Variants in EYS observed in about 807,000 individuals in gnomAD.
The protein encoded by EYS is protein eyes shut homolog.
EYS carries 250 observed loss-of-function variants against 282.1 expected under a neutral mutation model. The observed-to-expected ratio is 0.89, with a 90% confidence interval of 0.80 to 0.98. The LOEUF (loss-of-function observed/expected upper bound fraction) is 0.98, where lower values mean the gene tolerates loss of function less well. Among genes scored for constraint, EYS ranks in the 50% least tolerant of loss-of-function variants. The pLI is 0.00. For synonymous variants in EYS, 1,355 were observed against 1,282.9 expected (o/e 1.06, Z -1.20); for missense variants, 4,016 against 3,709.0 (o/e 1.08, Z -2.15).
intron 12 of EYS, among the ~76,000 whole-genome samples, chr6:65,122,969 CAATT>C (rs1161963398): frequency 6.6e-6 from 1 of 151,914 alleles, no homozygotes; most frequent in East Asian, 1.9e-4. Context: ...TATGAAGACA[CAATT>C]AGTCGTGATT....
Position 64,456,312 on chromosome 6 carries a change from T to C in EYS, c.5645-16960A>G, listed in dbSNP as rs139275105. Reference sequence around the variant, plus strand: ...CTTCAAGAAGACTTAGTTTTAATATTAATTTGGTACCTTAATTTGTGAAGT... The same window carrying C: ...CTTCAAGAAGACTTAGTTTTAATATCAATTTGGTACCTTAATTTGTGAAGT... On this transcript the variant is annotated intron_variant, in intron 26 of 42. Coordinates refer to ENST00000503581, the MANE Select transcript of EYS (RefSeq NM_001142800.2). Among the ~76,000 whole-genome samples, 1,317 of 152,222 alleles carry C rather than the reference T, an allele frequency of 8.7e-3. 27 individuals carry two copies. Among genetic ancestry groups the C allele is most frequent in the African/African-American group, 0.029 (1,207 of 41,568 alleles).
chr6:64,122,115 C>T (rs926813697), intron 31 of EYS, among the ~76,000 whole-genome samples: 51 of 152,006 alleles, frequency 3.4e-4, no homozygotes, highest in Non-Finnish European at 1.8e-4. Context: ...CAAACATGCA[C>T]AGTTTAACCT....
chr6:65,123,624 G>A (rs900840530), intron 12 of EYS, among the ~76,000 whole-genome samples: 1 of 152,100 alleles, frequency 6.6e-6, no homozygotes, highest in African/African-American at 2.4e-5. Context: ...ACAAACCAGA[G>A]TGGCTAATAT....
At chr6:64,781,210 T>C (rs1773848698) in intron 22 of EYS, among the ~76,000 whole-genome samples, 1 of 151,232 alleles carries the variant, frequency 6.6e-6, no homozygotes, top group Non-Finnish European at 1.5e-5. Flanking sequence ...GAACATTTTT[T>C]TTAGAATAGG....
chr6:65,179,187 C>T (rs1765307097), intron 12 of EYS, among the ~76,000 whole-genome samples: 1 of 151,768 alleles, frequency 6.6e-6, no homozygotes. Flanking sequence ...CAAAAGCTAG[C>T]AGAAGGCAAG....
At chr6:64,899,001 A>G (rs1220683844) in intron 18 of EYS, among the ~76,000 whole-genome samples, 1 of 152,066 alleles carries the variant, frequency 6.6e-6, no homozygotes, top group Non-Finnish European at 1.5e-5. Context: ...CCAACACAAT[A>G]ATAGTGAGAG....
At chr6:64,744,027 C>T (rs1772467935) in intron 22 of EYS, among the ~76,000 whole-genome samples, 1 of 152,072 alleles carries the variant, frequency 6.6e-6, no homozygotes, top group Admixed American at 6.6e-5. Flanking sequence ...TCTCTACATT[C>T]ATGTCTTTAC....
chr6:64,096,671 G>T (rs1772628509), intron 31 of EYS, among the ~76,000 whole-genome samples: 1 of 152,074 alleles, frequency 6.6e-6, no homozygotes, highest in African/African-American at 2.4e-5. Context: ...TTCCAAGGTT[G>T]TTATCTTCTT....
At chr6:64,955,797 G>C (rs997481751) in intron 14 of EYS, among the ~76,000 whole-genome samples, 6 of 152,104 alleles carry the variant, frequency 3.9e-5, no homozygotes, top group African/African-American at 1.4e-4. Context: ...CCTACGAAAG[G>C]CTTTCTTATT....
At chr6:65,559,593 A>G (rs997491610) in intron 2 of EYS, among the ~76,000 whole-genome samples, 2 of 152,144 alleles carry the variant, frequency 1.3e-5, no homozygotes, top group African/African-American at 4.8e-5. Flanking sequence ...GAATAACTCA[A>G]TCTCAGTTAA....
At chr6:64,282,352 C>T (rs1355458972) in intron 30 of EYS, among the ~76,000 whole-genome samples, 2 of 152,102 alleles carry the variant, frequency 1.3e-5, no homozygotes, top group Non-Finnish European at 2.9e-5. Context: ...TTAGAGTCAA[C>T]CTTTTGCGTA....
At chr6:64,917,808 C>A (rs1167387495) in intron 15 of EYS, among the ~76,000 whole-genome samples, 1 of 152,082 alleles carries the variant, frequency 6.6e-6, no homozygotes, top group Non-Finnish European at 1.5e-5. Flanking sequence ...CATAAATATA[C>A]ACAATTTTTA....
At chr6:64,448,492 A>C (rs982075990) in intron 26 of EYS, among the ~76,000 whole-genome samples, 2 of 152,214 alleles carry the variant, frequency 1.3e-5, no homozygotes, top group Non-Finnish European at 2.9e-5. Flanking sequence ...CCTGTCCGAT[A>C]GCTTTGAAGA....
At chr6:64,896,908 A>T (rs532539775) in intron 18 of EYS, among the ~76,000 whole-genome samples, 6 of 151,670 alleles carry the variant, frequency 4.0e-5, no homozygotes, top group Non-Finnish European at 7.4e-5. Context: ...CTCTCTAGAT[A>T]CCTCCTCTCT....
At chr6:65,535,018 G>T (rs186577370) in intron 2 of EYS, among the ~76,000 whole-genome samples, 1 of 152,198 alleles carries the variant, frequency 6.6e-6, no homozygotes, top group East Asian at 1.9e-4. Flanking sequence ...ATTAGTCAGG[G>T]TTCTCCAGGA....
intron 31 of EYS, among the ~76,000 whole-genome samples, chr6:64,099,841 A>G (rs1045220314): frequency 1.3e-5 from 2 of 152,172 alleles, no homozygotes; most frequent in African/African-American, 4.8e-5. Context: ...TAAGAATAAC[A>G]TCACAGAGAA....
chr6:65,208,396 T>C (rs1374627812), intron 12 of EYS, among the ~76,000 whole-genome samples: 5 of 151,796 alleles, frequency 3.3e-5, no homozygotes, highest in African/African-American at 1.2e-4. Context: ...AGTGTGGGGA[T>C]GTATCAAAGA....
At chr6:63,857,489 C>G in intron 36 of EYS, 1 of 220,230 alleles carries the variant, frequency 4.5e-6, no homozygotes, top group Non-Finnish European at 9.4e-6. Flanking sequence ...AAGTGCCCGG[C>G]TTACTCTTCA....
chr6:64,690,727 G>A (rs1024116100), intron 22 of EYS, among the ~76,000 whole-genome samples: 1 of 152,114 alleles, frequency 6.6e-6, no homozygotes, highest in Non-Finnish European at 1.5e-5. Context: ...ACTCGCGCAA[G>A]GACAGAAAAC....
Sources: gnomAD v4.1 joint callset for allele counts (sites outside exome capture counted in the v4.1 genomes callset) on GRCh38, gnomAD v4.1.1 for gene constraint, MANE v1.5 for transcripts, NCBI Gene and HGNC (gene_info 2026-07-23, HGNC 2026-07-21) for gene names.